Variants in TTLL11 observed in about 807,000 individuals in gnomAD.
TTLL11 encodes the protein tubulin tyrosine ligase like 11.
Under a neutral mutation model 51.7 loss-of-function variants are expected in TTLL11, and 42 were observed. The ratio of observed to expected loss-of-function variants is 0.81; its 90% CI spans 0.64 to 1.05. The LOEUF is 1.05. Ranked by LOEUF, TTLL11 falls within the 50% of genes least tolerant of loss-of-function variation. The pLI is 0.00. For synonymous variants in TTLL11, 381 were observed against 383.5 expected, an observed-to-expected ratio of 0.99 and a Z score of 0.08; for missense variants, 799 against 940.4, an observed-to-expected ratio of 0.85 and a Z score of 1.97.
chr9:121,947,356 A>G (rs932786444), intron 6 of TTLL11, among the ~76,000 whole-genome samples: 1 of 152,202 alleles, frequency 6.6e-6, no homozygotes, highest in Admixed American at 6.5e-5. Flanking sequence ...AAAAAATATC[A>G]AATTATGTTC....
rs952214327 is a variant in TTLL11, at chr9:121,995,675, A to G, written c.694-5905T>C. Among the ~76,000 whole-genome samples, 5 of 151,900 alleles carry G rather than the reference A, an allele frequency of 3.3e-5. No homozygotes were observed. Among genetic ancestry groups the G allele is most frequent in the Non-Finnish European group, 5.9e-5 (4 of 67,970 alleles). ...TCATCTAATGAGTATTATTTGCACGACTCCAGACAGAGCTAATTTAGGACT... is the reference window on the plus strand; with the variant it reads ...TCATCTAATGAGTATTATTTGCACGGCTCCAGACAGAGCTAATTTAGGACT... On this transcript the variant is annotated intron_variant, in intron 3 of 8. Coordinates refer to ENST00000321582, the MANE Select transcript of TTLL11 (RefSeq NM_001139442.2). This position sits in a 1 kb window ranked among gnomAD's most constrained non-coding sequence, Gnocchi z 4.4.
chr9:122,059,479 G>C (rs143186928), intron 1 of TTLL11, among the ~76,000 whole-genome samples: 1 of 152,140 alleles, frequency 6.6e-6, no homozygotes, highest in East Asian at 1.9e-4. Flanking sequence ...ATAAGTGGCA[G>C]AGCCAGGAAC....
intron 6 of TTLL11, among the ~76,000 whole-genome samples, chr9:121,971,899 G>A (rs1842589180): frequency 6.6e-6 from 1 of 151,944 alleles, no homozygotes; most frequent in Non-Finnish European, 1.5e-5. Context: ...ACCAAACACT[G>A]CACGTTCCTA....
chr9:122,048,896 A>G (rs1845086996), intron 1 of TTLL11, among the ~76,000 whole-genome samples: 1 of 152,110 alleles, frequency 6.6e-6, no homozygotes, highest in Admixed American at 6.5e-5. Flanking sequence ...AAACTCCTTA[A>G]GCACAAGGAG....
At chr9:121,878,559 A>G (rs553208655) in intron 6 of TTLL11, among the ~76,000 whole-genome samples, 1 of 152,278 alleles carries the variant, frequency 6.6e-6, no homozygotes, top group East Asian at 1.9e-4. Flanking sequence ...CTGCAGGGCC[A>G]GGCGACGCAT....
At position 121,961,353 on chromosome 9, in the gene TTLL11, C is replaced by T. The variant is rs549907491; in HGVS notation, c.1481+12656G>A. On this transcript the variant is annotated intron_variant, in intron 6 of 8. Coordinates refer to ENST00000321582, the MANE Select transcript of TTLL11 (RefSeq NM_001139442.2). ...TAGGAATAAGCAACATATTCCTTCT[C>T]TCCAAATTAAGAACTTCTCACTGCT... 3.9e-5 allele frequency among the ~76,000 whole-genome samples: 6 copies of T among 152,276 alleles called. No homozygotes were observed. In the East Asian group the frequency reaches 9.6e-4, roughly 24 times the overall value.
intron 6 of TTLL11, among the ~76,000 whole-genome samples, chr9:121,913,827 T>C (rs1007335400): frequency 5.3e-5 from 8 of 152,198 alleles, no homozygotes; most frequent in Non-Finnish European, 1.0e-4. Flanking sequence ...TGCTCTTTCA[T>C]GGTATTCCCT....
chr9:121,925,201 C>G (rs543946705), intron 6 of TTLL11, among the ~76,000 whole-genome samples: 1 of 152,182 alleles, frequency 6.6e-6, no homozygotes, highest in Non-Finnish European at 1.5e-5. Flanking sequence ...GCTGGAGAAC[C>G]TGACAAACAG....
intron 1 of TTLL11, among the ~76,000 whole-genome samples, chr9:122,089,627 T>C (rs1215617058): frequency 6.6e-6 from 1 of 152,220 alleles, no homozygotes; most frequent in Non-Finnish European, 1.5e-5. Flanking sequence ...ATAATTCATT[T>C]GATGAATATT....
At chr9:121,951,997 A>C (rs144503210) in intron 6 of TTLL11, among the ~76,000 whole-genome samples, 2,077 of 152,218 alleles carry the variant, frequency 0.014, 45 homozygotes, top group African/African-American at 0.048. Context: ...TCTTGTCGCC[A>C]TCTTGGTTTT....
At chr9:122,040,606 G>A (rs900930641) in intron 1 of TTLL11, among the ~76,000 whole-genome samples, 2 of 152,180 alleles carry the variant, frequency 1.3e-5, no homozygotes, top group Non-Finnish European at 2.9e-5. Flanking sequence ...TAGGACTATA[G>A]GTAATCAGAA....
At chr9:121,855,952 T>A (rs1298842439) in intron 8 of TTLL11, among the ~76,000 whole-genome samples, 3 of 152,194 alleles carry the variant, frequency 2.0e-5, no homozygotes, top group Admixed American at 2.0e-4. Flanking sequence ...GCTCTGGTCA[T>A]ATACTATTGC....
rs1000720534 is a variant in TTLL11, at chr9:122,056,651, C to T, written c.463-17283G>A. 6.6e-5 allele frequency among the ~76,000 whole-genome samples: 10 copies of T among 152,196 alleles called. No individual in the cohort carries two copies. The East Asian group carries it at 1.4e-3, about 21-fold the overall frequency. ...TGTGTACTGAGTTCCTAGGCCCATT[C>T]TTGGGAGAAGAGTCAGGGGAGGGAC... On this transcript the variant is annotated intron_variant, in intron 1 of 8. Transcript: ENST00000321582.
At chr9:121,923,144 T>C (rs1840599923) in intron 6 of TTLL11, among the ~76,000 whole-genome samples, 1 of 152,216 alleles carries the variant, frequency 6.6e-6, no homozygotes, top group African/African-American at 2.4e-5. Context: ...CCTGTGATTC[T>C]AGAGCTGGGT....
intron 3 of TTLL11, among the ~76,000 whole-genome samples, chr9:121,991,454 GTTAT>G (rs1380853240): frequency 6.6e-6 from 1 of 152,176 alleles, no homozygotes; most frequent in Non-Finnish European, 1.5e-5. Flanking sequence ...CGTTTATGTA[GTTAT>G]TTAATATTCA....
chr9:121,890,727 C>T lies in TTLL11; in HGVS notation c.1482-19979G>A, dbSNP rs562144523. ...TGTTGACAGTTTTGTGCACTGCTGA[C>T]TCCTCCATCCTGGTGCAGAGTAAGT... is the stretch of plus-strand genomic sequence containing the variant. On this transcript the variant is annotated intron_variant, in intron 6 of 8. Transcript: ENST00000321582. This position sits in a 1 kb window ranked among gnomAD's most constrained non-coding sequence, Gnocchi z 4.3. Among the ~76,000 whole-genome samples, 51 of 152,344 alleles carry T rather than the reference C, an allele frequency of 3.3e-4. No homozygotes were observed. In the South Asian group the frequency reaches 9.7e-3, roughly 29 times the overall value.
intron 6 of TTLL11, among the ~76,000 whole-genome samples, chr9:121,912,815 C>T (rs1389009934): frequency 1.3e-5 from 2 of 151,428 alleles, no homozygotes; most frequent in Non-Finnish European, 2.9e-5. Context: ...TCTCTAAGCC[C>T]CATAAAGATC....
chr9:121,906,943 C>A (rs1230962070), intron 6 of TTLL11, among the ~76,000 whole-genome samples: 1 of 152,034 alleles, frequency 6.6e-6, no homozygotes, highest in African/African-American at 2.4e-5. Context: ...CACGGTGGCT[C>A]ATGTCTGTAT....
intron 3 of TTLL11, among the ~76,000 whole-genome samples, chr9:122,021,284 C>A (rs994647010): frequency 5.9e-5 from 9 of 152,030 alleles, no homozygotes; most frequent in Admixed American, 5.9e-4. Flanking sequence ...AGTGGACGCC[C>A]TGAGTTGAGA....
Sources: gnomAD v4.1 joint callset for allele counts (sites outside exome capture counted in the v4.1 genomes callset) on GRCh38, gnomAD v4.1.1 for gene constraint, Gnocchi (gnomAD v3.1) non-coding constraint, MANE v1.5 for transcripts, NCBI Gene and HGNC (gene_info 2026-07-23, HGNC 2026-07-21) for gene names.